Variants in ARHGAP10 observed in about 807,000 individuals in gnomAD.
ARHGAP10 encodes rho GTPase-activating protein 10.
ARHGAP10 carries 87 observed loss-of-function variants against 108.6 expected under a neutral mutation model. That is an observed-to-expected ratio of 0.80 (90% CI 0.67 to 0.96). The LOEUF is 0.96. ARHGAP10 is among the 40% of genes least tolerant of loss of function. The pLI is 0.00. For missense variants in ARHGAP10, 939 were observed against 954.5 expected (o/e 0.98, Z 0.21); for synonymous variants, 347 against 341.1 (o/e 1.02, Z -0.19).
chr4:147,954,043 G>C (rs1212037994), intron 15 of ARHGAP10, among the ~76,000 whole-genome samples: 1 of 151,812 alleles, frequency 6.6e-6, no homozygotes, highest in Non-Finnish European at 1.5e-5. Context: ...TTCAGTTTTT[G>C]TTGTAATCAA....
chr4:147,996,331 G>A (rs1411257078), intron 18 of ARHGAP10, among the ~76,000 whole-genome samples: 1 of 152,238 alleles, frequency 6.6e-6, no homozygotes, highest in Non-Finnish European at 1.5e-5. Flanking sequence ...AATTGCCTCA[G>A]GAGAGGAAGG....
chr4:147,780,900 C>A (rs1162152400), intron 1 of ARHGAP10, among the ~76,000 whole-genome samples: 1 of 152,122 alleles, frequency 6.6e-6, no homozygotes, highest in Non-Finnish European at 1.5e-5. Context: ...CTGGTATCAT[C>A]AATTTTGTGT....
chr4:147,901,433 T>C (rs956098147), intron 10 of ARHGAP10, among the ~76,000 whole-genome samples: 4 of 152,188 alleles, frequency 2.6e-5, no homozygotes, highest in Non-Finnish European at 5.9e-5. Context: ...TTCTCAATAG[T>C]GGAACTGTTT....
intron 1 of ARHGAP10, among the ~76,000 whole-genome samples, chr4:147,737,600 A>T (rs570339899): frequency 1.3e-5 from 2 of 152,074 alleles, no homozygotes; most frequent in South Asian, 4.2e-4. Flanking sequence ...AATGGAAAGG[A>T]ATACTCATCT....
At chr4:147,815,565 A>G (rs1732208145) in intron 1 of ARHGAP10, among the ~76,000 whole-genome samples, 1 of 152,142 alleles carries the variant, frequency 6.6e-6, no homozygotes, top group Non-Finnish European at 1.5e-5. Context: ...GATGACAGAA[A>G]CAAAGGTCAG....
At chr4:147,816,969 A>G (rs962400066) in intron 1 of ARHGAP10, among the ~76,000 whole-genome samples, 2 of 152,186 alleles carry the variant, frequency 1.3e-5, no homozygotes, top group African/African-American at 4.8e-5. Flanking sequence ...AGTCAGGGGC[A>G]GCTCCCTCAG....
intron 5 of ARHGAP10, chr4:147,863,113 GATTTT>G (rs1340959083): frequency 6.6e-5 from 10 of 152,164 alleles, no homozygotes; most frequent in African/African-American, 2.4e-4. Context: ...TAAAATGTAT[GATTTT>G]ATTTTAAAGT....
intron 1 of ARHGAP10, among the ~76,000 whole-genome samples, chr4:147,797,864 C>T (rs1731382132): frequency 6.6e-6 from 1 of 152,162 alleles, no homozygotes; most frequent in Non-Finnish European, 1.5e-5. Flanking sequence ...TACAGTCAAT[C>T]TTTTTTAGTG....
At chr4:147,735,489 T>G (rs1269671917) in intron 1 of ARHGAP10, among the ~76,000 whole-genome samples, 1 of 152,176 alleles carries the variant, frequency 6.6e-6, no homozygotes, top group East Asian at 1.9e-4. Flanking sequence ...TTGAAGAGAC[T>G]AGTTTGGCTG....
At chr4:148,040,948 GC>G (rs1345411038) in intron 19 of ARHGAP10, among the ~76,000 whole-genome samples, 2 of 152,056 alleles carry the variant, frequency 1.3e-5, no homozygotes, top group Non-Finnish European at 2.9e-5. Flanking sequence ...TTTGTTCTCA[GC>G]AAAACTTTCT....
chr4:148,031,292 A>G (rs2149669794), intron 19 of ARHGAP10, among the ~76,000 whole-genome samples: 1 of 152,354 alleles, frequency 6.6e-6, no homozygotes, highest in South Asian at 2.1e-4. Flanking sequence ...TACAAAATTC[A>G]GAGAGTAATA....
At chr4:148,043,985 T>G (rs1728767585) in intron 19 of ARHGAP10, among the ~76,000 whole-genome samples, 1 of 151,966 alleles carries the variant, frequency 6.6e-6, no homozygotes, top group African/African-American at 2.4e-5. Flanking sequence ...GTAGGTAAGC[T>G]CATTCCTGAA....
At chr4:147,789,373 T>C (rs1441768683) in intron 1 of ARHGAP10, among the ~76,000 whole-genome samples, 1 of 152,240 alleles carries the variant, frequency 6.6e-6, no homozygotes, top group Non-Finnish European at 1.5e-5. Context: ...CACTGCTACC[T>C]CTGCCTCCCC....
intron 3 of ARHGAP10, among the ~76,000 whole-genome samples, chr4:147,841,692 A>T (rs1222575498): frequency 6.6e-6 from 1 of 152,192 alleles, no homozygotes; most frequent in Non-Finnish European, 1.5e-5. Context: ...TTATTGAAAC[A>T]TTTATTGGCT....
chr4:147,763,492 A>T (rs1032767945), intron 1 of ARHGAP10, among the ~76,000 whole-genome samples: 1 of 151,700 alleles, frequency 6.6e-6, no homozygotes, highest in Non-Finnish European at 1.5e-5. Flanking sequence ...TTGTGTTTTT[A>T]GTAGAGATGG....
chr4:147,740,135 GC>G (rs1560732959), intron 1 of ARHGAP10, among the ~76,000 whole-genome samples: 1 of 148,426 alleles, frequency 6.7e-6, no homozygotes, highest in Non-Finnish European at 1.5e-5. Flanking sequence ...TGCAACCTCC[GC>G]CTCCCAGGTT....
chr4:148,039,702 G>T (rs1389793252), intron 19 of ARHGAP10, among the ~76,000 whole-genome samples: 1 of 151,708 alleles, frequency 6.6e-6, no homozygotes, highest in African/African-American at 2.4e-5. Flanking sequence ...TTTCCATATG[G>T]GTGCTTTTTT....
At chr4:148,003,080 C>T (rs1268778628) in intron 18 of ARHGAP10, among the ~76,000 whole-genome samples, 2 of 152,180 alleles carry the variant, frequency 1.3e-5, no homozygotes, top group East Asian at 1.9e-4. Flanking sequence ...CTACACACTG[C>T]GTTAAATGTG....
intron 1 of ARHGAP10, among the ~76,000 whole-genome samples, chr4:147,747,882 C>G (rs1728999854): frequency 6.6e-6 from 1 of 152,110 alleles, no homozygotes; most frequent in Admixed American, 6.6e-5. Flanking sequence ...AATACTGACT[C>G]TTTTTCCCTA....
Sources: gnomAD v4.1 joint callset for allele counts (sites outside exome capture counted in the v4.1 genomes callset) on GRCh38, gnomAD v4.1.1 for gene constraint, MANE v1.5 for transcripts, NCBI Gene and HGNC (gene_info 2026-07-23, HGNC 2026-07-21) for gene names.